Variants in CFAP92 observed in about 807,000 individuals in gnomAD.
The protein encoded by CFAP92 is cilia and flagella associated protein 92 (putative), also known as uncharacterized protein CFAP92.
In CFAP92, 86 loss-of-function variants were observed where a neutral mutation model predicts 106.3. The observed-to-expected ratio is 0.81, with a 90% CI of 0.68 to 0.97. The LOEUF is 0.97. Ranked by LOEUF, CFAP92 falls within the 50% of genes least tolerant of loss-of-function variation. The pLI, the probability that CFAP92 is intolerant of heterozygous loss-of-function variation, is 0.00. For synonymous variants in CFAP92, 477 were observed against 506.4 expected, an observed-to-expected ratio of 0.94 and a Z score of 0.78; for missense variants, 1,204 against 1,283.8, an observed-to-expected ratio of 0.94 and a Z score of 0.95.
chr3:128,985,034 C>T, intron 4 of CFAP92, among the ~76,000 whole-genome samples: 1 of 152,086 alleles, frequency 6.6e-6, no homozygotes, highest in East Asian at 1.9e-4. Context: ...CTCTTTTTTG[C>T]TAGGTGATAT....
chr3:129,015,898 C>T, the CFAP92 span, among the ~76,000 whole-genome samples: 2 of 152,152 alleles, frequency 1.3e-5, no homozygotes, highest in East Asian at 1.9e-4. Context: ...CCGCTGTGTG[C>T]GAACCTCCAG....
At chr3:128,978,320 G>A (rs1036181311) in intron 4 of CFAP92, 135 bp from the exon 5 acceptor site, 61 of 816,814 alleles carry the variant, frequency 7.5e-5, no homozygotes, top group Non-Finnish European at 1.1e-4. Flanking sequence ...ACAATAAAGT[G>A]AGTCATACAT....
chr3:129,000,243 A>G (rs1192577709), intron 1 of CFAP92, among the ~76,000 whole-genome samples: 1 of 152,218 alleles, frequency 6.6e-6, no homozygotes, highest in African/African-American at 2.4e-5. Context: ...TTTATAATTA[A>G]AAACAAACCT....
At chr3:129,008,475 A>G in the CFAP92 span, among the ~76,000 whole-genome samples, 2 of 152,256 alleles carry the variant, frequency 1.3e-5, no homozygotes, top group African/African-American at 2.4e-5. Flanking sequence ...GGGGCTTCTC[A>G]TAGCACCCCA....
intron 10 of CFAP92, among the ~76,000 whole-genome samples, chr3:128,939,520 T>C (rs1277519563): frequency 6.6e-6 from 1 of 152,168 alleles, no homozygotes; most frequent in East Asian, 1.9e-4. Flanking sequence ...GTTTTTCATC[T>C]ATTTAGTGCA....
chr3:129,003,986 C>T, upstream of CFAP92: 1 of 1,497,842 alleles, frequency 6.7e-7, no homozygotes, highest in Non-Finnish European at 8.8e-7. Context: ...GCGCAGCCTG[C>T]ACCGCGTGCG....
intron 11 of CFAP92, among the ~76,000 whole-genome samples, chr3:128,934,129 C>A (rs1938714447): frequency 8.0e-6 from 1 of 124,924 alleles, no homozygotes; most frequent in Admixed American, 7.9e-5. Context: ...TATCCCACTG[C>A]CTGTGTTCTT....
chr3:129,002,889 C>T (rs1944864164), upstream of CFAP92, among the ~76,000 whole-genome samples: 1 of 152,196 alleles, frequency 6.6e-6, no homozygotes, highest in Non-Finnish European at 1.5e-5. Context: ...CACTCACGGG[C>T]CACCAAGTGC....
chr3:128,961,219 T>G (rs1941888653), intron 9 of CFAP92, among the ~76,000 whole-genome samples: 1 of 152,228 alleles, frequency 6.6e-6, no homozygotes, highest in African/African-American at 2.4e-5. Flanking sequence ...GCAAACGGTC[T>G]GAGGTGCCTG....
intron 2 of CFAP92, among the ~76,000 whole-genome samples, chr3:128,989,194 T>TA (rs1213267940): frequency 6.7e-6 from 1 of 149,972 alleles, no homozygotes; most frequent in South Asian, 2.1e-4. Flanking sequence ...AAAAAGGTGA[T>TA]AGAGTTAAAG....
At chr3:129,018,680 C>T in the CFAP92 span, among the ~76,000 whole-genome samples, 2 of 152,206 alleles carry the variant, frequency 1.3e-5, no homozygotes, top group African/African-American at 4.8e-5. Context: ...GGGGACTGGG[C>T]AGGGGCAGGG....
the CFAP92 span, among the ~76,000 whole-genome samples, chr3:129,022,077 T>A: frequency 6.6e-6 from 1 of 152,238 alleles, no homozygotes; most frequent in Non-Finnish European, 1.5e-5. Context: ...TGCTGGTGTC[T>A]AAGCATTTAC....
chr3:128,962,442 C>A (rs59266667), intron 9 of CFAP92, among the ~76,000 whole-genome samples: 12,294 of 152,114 alleles, frequency 0.081, 1,334 homozygotes, highest in African/African-American at 0.25. Context: ...TTATCCCCAC[C>A]TGCCCAGTTC....
intron 10 of CFAP92, among the ~76,000 whole-genome samples, chr3:128,935,945 C>T (rs1324914362): frequency 1.3e-5 from 2 of 152,130 alleles, no homozygotes; most frequent in African/African-American, 2.4e-5. Context: ...TGATGAATGC[C>T]TCCTGGTAGA....
upstream of CFAP92, chr3:129,003,961 C>G: frequency 1.4e-6 from 2 of 1,444,980 alleles, no homozygotes; most frequent in Non-Finnish European, 1.8e-6. Context: ...CGGAGGAGGC[C>G]CGGCAGGTGG....
At chr3:129,014,458 G>A in the CFAP92 span, among the ~76,000 whole-genome samples, 3 of 152,204 alleles carry the variant, frequency 2.0e-5, no homozygotes, top group Non-Finnish European at 2.9e-5. This position sits in a 1 kb window ranked among gnomAD's most constrained non-coding sequence, Gnocchi z 4.3. Context: ...GTATCCTCGC[G>A]TGGTCTTCCT....
In CFAP92 at chr3:129,000,911, C is replaced by G. The variant is rs921710969; in HGVS notation, n.117+1663G>C. On this transcript the variant is annotated intron_variant and non_coding_transcript_variant, in intron 1 of 4. Transcript: ENST00000510149. ...CAGCGGGGTGCCCCTAACCTAGACC[C>G]CTTGCCTCTCCAAGCCTGTTTCCCT... Among the ~76,000 whole-genome samples the G allele has an allele frequency of 1.2e-4, 19 of 152,350 alleles. No individual in the cohort carries two copies. In the South Asian group the frequency reaches 3.9e-3, roughly 32 times the overall value.
intron 7 of CFAP92, among the ~76,000 whole-genome samples, chr3:128,972,532 G>A (rs147970621): frequency 7.1e-4 from 108 of 151,748 alleles, no homozygotes; most frequent in African/African-American, 2.5e-3. Context: ...GTAAGCCACC[G>A]CACCTGGCCT....
At position 128,987,726 on chromosome 3, in the gene CFAP92, T is replaced by C. The variant is rs1943945995; in HGVS notation, c.557A>G (p.Lys186Arg). The change falls in exon 4 of 16, where the codon AAA becomes AGA. Residue 186 changes from lysine to arginine, a missense_variant. Lys to Arg is a conservative substitution (Grantham distance 26). Coordinates refer to ENST00000645291, the MANE Select transcript of CFAP92 (RefSeq NM_001394090.1). ...AGTGTTCCAGAGCCTCAAGGTGATT[T>C]TGTGGAAATTTATTTTCTTTAATAA... ...KELLKKINFH[K>R]ITLRLWNTKD... 5.0e-6 allele frequency: 8 copies of C among 1,613,874 alleles called. No homozygotes were observed. Among genetic ancestry groups the C allele is most frequent in the African/African-American group, 1.3e-5 (1 of 74,932 alleles).
Sources: gnomAD v4.1 joint callset for allele counts (sites outside exome capture counted in the v4.1 genomes callset) on GRCh38, gnomAD v4.1.1 for gene constraint, Gnocchi (gnomAD v3.1) non-coding constraint, MANE v1.5 for transcripts, NCBI Gene and HGNC (gene_info 2026-07-23, HGNC 2026-07-21) for gene names.